Variants in ESR1 observed in about 807,000 individuals in gnomAD.
The protein encoded by ESR1 is estrogen receptor.
ESR1 carries 12 observed loss-of-function variants against 52.7 expected under a neutral mutation model. The observed-to-expected ratio is 0.23, with a 90% CI of 0.15 to 0.37. The LOEUF (loss-of-function observed/expected upper bound fraction) is 0.37, where lower values mean the gene tolerates loss of function less well. ESR1 is among the 10% of genes least tolerant of loss of function. The pLI, the probability that ESR1 is intolerant of heterozygous loss-of-function variation, is 1.00. For synonymous variants in ESR1, 305 were observed against 316.8 expected, an observed-to-expected ratio of 0.96 and a Z score of 0.39; for missense variants, 584 against 779.7, an observed-to-expected ratio of 0.75 and a Z score of 2.99.
intron 4 of ESR1, among the ~76,000 whole-genome samples, chr6:151,970,259 G>C (rs1303498043): frequency 6.6e-6 from 1 of 152,100 alleles, no homozygotes; most frequent in East Asian, 1.9e-4. Flanking sequence ...GTTAATGAAG[G>C]CTTGCTTTCT....
chr6:151,772,923 C>T (rs1280463263), intron 2 of ESR1, among the ~76,000 whole-genome samples: 1 of 152,150 alleles, frequency 6.6e-6, no homozygotes, highest in Non-Finnish European at 1.5e-5. Context: ...TCTACTGCTT[C>T]TTGGATTATT....
chr6:152,022,835 G>A (rs1212406190), intron 5 of ESR1, among the ~76,000 whole-genome samples: 1 of 151,810 alleles, frequency 6.6e-6, no homozygotes, highest in Non-Finnish European at 1.5e-5. Context: ...AAATTAGCCG[G>A]GCTTGGTGGT....
At chr6:151,903,860 T>TA (rs1454467417) in intron 3 of ESR1, among the ~76,000 whole-genome samples, 5 of 152,280 alleles carry the variant, frequency 3.3e-5, no homozygotes, top group African/African-American at 9.6e-5. Context: ...AACTTAGTAT[T>TA]AAAAAAATAT....
intron 4 of ESR1, among the ~76,000 whole-genome samples, chr6:151,949,134 A>G (rs1423984636): frequency 6.6e-6 from 1 of 152,116 alleles, no homozygotes; most frequent in Non-Finnish European, 1.5e-5. Context: ...GTGAGATTCT[A>G]TTTCCATTTC....
At chr6:151,815,824 G>C (rs190501304) in intron 1 of ESR1, among the ~76,000 whole-genome samples, 24 of 152,302 alleles carry the variant, frequency 1.6e-4, no homozygotes, top group Admixed American at 1.6e-3. Context: ...GCTGAGCAAG[G>C]CTCACTTCTC....
At chr6:151,964,935 C>T (rs1240027088) in intron 4 of ESR1, among the ~76,000 whole-genome samples, 2 of 152,176 alleles carry the variant, frequency 1.3e-5, no homozygotes, top group Non-Finnish European at 2.9e-5. Context: ...AGCCACCGCG[C>T]CCGGCCCCTA....
intron 1 of ESR1, among the ~76,000 whole-genome samples, chr6:151,837,143 C>G (rs1040002136): frequency 2.1e-5 from 3 of 146,288 alleles, no homozygotes; most frequent in African/African-American, 5.2e-5. Flanking sequence ...TTTTTTCACC[C>G]AGGCTGGAGT....
intron 3 of ESR1, 24 bp downstream of exon 3, chr6:151,880,795 C>G: frequency 3.1e-6 from 4 of 1,283,808 alleles, no homozygotes; most frequent in Non-Finnish European, 4.6e-6. Context: ...TCCCAGGGGC[C>G]CTTGGGGATG....
At chr6:152,006,176 AT>A (rs2042316906) in intron 4 of ESR1, among the ~76,000 whole-genome samples, 1 of 152,036 alleles carries the variant, frequency 6.6e-6, no homozygotes, top group Non-Finnish European at 1.5e-5. Flanking sequence ...ATTACTATTT[AT>A]TTTGGTGATG....
intron 2 of ESR1, among the ~76,000 whole-genome samples, chr6:151,709,385 G>A (rs1039869613): frequency 1.1e-4 from 16 of 152,110 alleles, no homozygotes; most frequent in African/African-American, 3.6e-4. Flanking sequence ...TTCATCTGTT[G>A]ATGGATACTT....
In ESR1 at chr6:152,099,087, T is replaced by C. The variant is rs996385342; in HGVS notation, c.*121T>C. The C allele has an allele frequency of 2.6e-6, 2 of 764,688 alleles. No individual in the cohort carries two copies. Among genetic ancestry groups the C allele is most frequent in the Admixed American group, 2.0e-5 (1 of 49,386 alleles). The allele number at this position is 764,688 out of a possible 1,614,324, so 47.4% of individuals were successfully genotyped here. On this transcript the variant is annotated 3_prime_UTR_variant, in exon 8 of 8. Coordinates refer to ENST00000206249, the MANE Select transcript of ESR1 (RefSeq NM_000125.4). ...CGGCATGCATCCAACACCAATGGCT[T>C]TCTAGATGAGTGGCCATTCATTTGC...
intron 1 of ESR1, among the ~76,000 whole-genome samples, chr6:151,811,722 A>G (rs1778866626): frequency 1.3e-5 from 2 of 151,942 alleles, no homozygotes; most frequent in South Asian, 4.1e-4. Flanking sequence ...TTCCTTTCTG[A>G]TCTTACTTTT....
chr6:151,871,902 T>G (rs1791036549), intron 2 of ESR1, among the ~76,000 whole-genome samples: 1 of 152,242 alleles, frequency 6.6e-6, no homozygotes, highest in South Asian at 2.1e-4. Context: ...TTGTAGCATG[T>G]GTCAGAGTTT....
At chr6:151,880,181 GTTTTTTTT>G (rs71017515) in intron 2 of ESR1, among the ~76,000 whole-genome samples, 6,334 of 116,394 alleles carry the variant, frequency 0.054, 202 homozygotes, top group Middle Eastern at 0.1. Context: ...TTTTTGTTCT[GTTTTTTTT>G]TTTTTTTTTT....
chr6:152,053,318 G>A lies in ESR1; in HGVS notation c.1236-7673G>A, dbSNP rs1347448839. 2.0e-5 allele frequency among the ~76,000 whole-genome samples: 3 copies of A among 151,780 alleles called. No individual in the cohort carries two copies. Among genetic ancestry groups the A allele is most frequent in the Admixed American group, 2.0e-4 (3 of 15,248 alleles). On this transcript the variant is annotated intron_variant, in intron 5 of 7. Coordinates refer to ENST00000206249, the MANE Select transcript of ESR1 (RefSeq NM_000125.4). This position sits in a 1 kb window ranked among gnomAD's most constrained non-coding sequence, Gnocchi z 4.1. ...CACACCTCTGACCATTCAACCATTT[G>A]TCCTCTTGATTGGTTCCACCTTGTC...
At chr6:152,025,521 A>G (rs2044073141) in intron 5 of ESR1, among the ~76,000 whole-genome samples, 1 of 151,762 alleles carries the variant, frequency 6.6e-6, no homozygotes, top group Non-Finnish European at 1.5e-5. Flanking sequence ...CCAATTTTTC[A>G]CATTGAGTTG....
At chr6:151,763,814 C>T (rs1247687290) in intron 2 of ESR1, among the ~76,000 whole-genome samples, 1 of 152,140 alleles carries the variant, frequency 6.6e-6, no homozygotes, top group African/African-American at 2.4e-5. Flanking sequence ...CTGACTTAAG[C>T]TTACAGCTGA....
chr6:151,903,961 G>A (rs968847051), intron 3 of ESR1, among the ~76,000 whole-genome samples: 2 of 152,070 alleles, frequency 1.3e-5, no homozygotes, highest in African/African-American at 4.8e-5. Context: ...CAGTATTTTT[G>A]TCAATATTTG....
rs71017521 is a variant in ESR1 at position 152,100,772 on chromosome 6, C to CAA, written c.*1820_*1821dup. 1,569 of 192,302 alleles carry CAA rather than the reference C, an allele frequency of 8.2e-3. 19 individuals carry two copies. The highest frequency in any genetic ancestry group is 0.029 in the African/African-American group (1,103 of 37,774). 11.9% of individuals were successfully genotyped at this position (192,302 alleles called of 1,614,324 possible). A position where few individuals can be genotyped will look rare whatever the true frequency, so the allele number is the denominator to read the frequency against. On this transcript the variant is annotated 3_prime_UTR_variant, in exon 8 of 8. Transcript: ENST00000206249. The stretch of plus-strand genomic sequence containing the variant: ...CCAAAGGACTGAGAATCTGGGAGGG[C>CAA]AAAAAAAAAAAAAAAGTTTTTATGT...
Sources: allele counts gnomAD v4.1 joint callset (sites outside exome capture counted in the v4.1 genomes callset), GRCh38; gene constraint gnomAD v4.1.1; non-coding constraint Gnocchi (gnomAD v3.1); transcripts MANE v1.5; gene names NCBI Gene and HGNC (gene_info 2026-07-23, HGNC 2026-07-21).